Variants in LRRK2 observed in about 807,000 individuals in gnomAD.
LRRK2 encodes leucine rich repeat kinase 2.
A neutral mutation model predicts 302.6 loss-of-function variants in LRRK2; 203 were observed. The ratio of observed to expected loss-of-function variants is 0.67; its 90% CI spans 0.60 to 0.75. The LOEUF is 0.75. Ranked by LOEUF, LRRK2 falls within the 30% of genes least tolerant of loss-of-function variation. The pLI is 0.00. For missense variants in LRRK2, 2,830 were observed against 2,951.0 expected, an observed-to-expected ratio of 0.96 and a Z score of 0.95; for synonymous variants, 1,066 against 1,031.9, an observed-to-expected ratio of 1.03 and a Z score of -0.63.
At chr12:40,245,671 A>G (rs1280421114) in intron 7 of LRRK2, among the ~76,000 whole-genome samples, 2 of 152,128 alleles carry the variant, frequency 1.3e-5, no homozygotes, top group African/African-American at 4.8e-5. Context: ...AATTTCTTCT[A>G]TACATGTCTT....
rs923196070 is a variant in LRRK2, at chr12:40,307,015, A to T, written c.3959+1049A>T. Among the ~76,000 whole-genome samples, 46 of 151,576 alleles carry T rather than the reference A, an allele frequency of 3.0e-4. 1 individual carries two copies. Among genetic ancestry groups the T allele is most frequent in the Non-Finnish European group, 7.4e-5 (5 of 67,852 alleles). On this transcript the variant is annotated intron_variant, in intron 28 of 50. Coordinates refer to ENST00000298910, the MANE Select transcript of LRRK2 (RefSeq NM_198578.4). ...ATTTAGTAGAACTAGCTTTCAGTGT[A>T]TTATACTGTATTATCTAACTAAATA... is the stretch of plus-strand genomic sequence containing the variant.
At chr12:40,253,639 A>G (rs1942377811) in intron 11 of LRRK2, among the ~76,000 whole-genome samples, 3 of 152,216 alleles carry the variant, frequency 2.0e-5, no homozygotes, top group African/African-American at 7.2e-5. Flanking sequence ...TGGCCTCCCA[A>G]GTGCTGGGAT....
At chr12:40,293,348 G>T (rs1158652595) in intron 20 of LRRK2, among the ~76,000 whole-genome samples, 197 bp from the exon 21 acceptor site, 1 of 151,864 alleles carries the variant, frequency 6.6e-6, no homozygotes, top group Non-Finnish European at 1.5e-5. Context: ...GAAGAAAAAT[G>T]TTGTTGAATT....
intron 13 of LRRK2, 137 bp from the exon 14 acceptor site, chr12:40,263,652 T>G: frequency 1.8e-6 from 1 of 555,106 alleles, no homozygotes; most frequent in South Asian, 3.1e-5. Context: ...ATTTATTTGA[T>G]AAGGAAACAT....
chr12:40,287,416 A>G lies in LRRK2; in HGVS notation c.2566A>G (p.Thr856Ala). Residue 856 changes from threonine to alanine, a missense_variant, in exon 20 of 51, where the codon ACA becomes GCA. Physicochemically the swap from Thr to Ala is moderately conservative, Grantham distance 58 (BLOSUM62 0). This residue lies in a region of LRRK2 where 2,121 missense variants were observed against 2,148.0 expected (regional missense o/e 0.99). Transcript: ENST00000298910. ...GATGAAAAGTGCTGTGGAAGAAGGA[A>G]CAGCCTCAGGCAGCGATGGAAATTT... Reference protein sequence around the residue: ...YQMKSAVEEGTASGSDGNFSE... With the variant: ...YQMKSAVEEGAASGSDGNFSE... 6.2e-7 allele frequency: 1 copy of G among 1,612,858 alleles called. No individual in the cohort carries two copies. The highest frequency in any genetic ancestry group is 8.5e-7 in the Non-Finnish European group (1 of 1,179,152).
At chr12:40,341,218 C>T (rs1946032499) in intron 41 of LRRK2, among the ~76,000 whole-genome samples, 2 of 152,074 alleles carry the variant, frequency 1.3e-5, no homozygotes, top group African/African-American at 4.8e-5. Context: ...TTTAGGGAAA[C>T]TTTATATAGT....
chr12:40,363,614 A>G, intron 48 of LRRK2, 60 bp downstream of exon 48: 2 of 1,570,654 alleles, frequency 1.3e-6, no homozygotes, highest in Non-Finnish European at 1.7e-6. Context: ...TTCATGTGTC[A>G]CAGAGGAAGG....
chr12:40,291,431 A>AATATATATATATAT (rs57902292), intron 20 of LRRK2, among the ~76,000 whole-genome samples: 1 of 146,340 alleles, frequency 6.8e-6, no homozygotes, highest in East Asian at 2.0e-4. Context: ...AGTATAATAA[A>AATATATATATATAT]ATATATATAT....
chr12:40,363,292 G>C, intron 47 of LRRK2, 110 bp from the exon 48 acceptor site: 2 of 932,104 alleles, frequency 2.1e-6, no homozygotes, highest in South Asian at 1.5e-5. Flanking sequence ...AGCTTGTTTA[G>C]TTTTCAAAAT....
Position 40,302,779 on chromosome 12 carries a change from T to C in LRRK2, c.3497-10T>C, listed in dbSNP as rs1484563828. 3 of 1,567,742 alleles carry C rather than the reference T, an allele frequency of 1.9e-6. No homozygotes were observed. The African/African-American group carries it at 4.1e-5, about 21-fold the overall frequency. On this transcript the variant is annotated splice_polypyrimidine_tract_variant and intron_variant, in intron 25 of 50. Transcript: ENST00000298910. ...TGATTAAAATGTTTATCTCATTTTT[T>C]TTCTTTTAGCTGCTATGCCTTTCTT...
At chr12:40,330,812 C>T (rs1300922648) in intron 39 of LRRK2, among the ~76,000 whole-genome samples, 2 of 152,078 alleles carry the variant, frequency 1.3e-5, no homozygotes, top group South Asian at 2.1e-4. Flanking sequence ...TTTGAGTTCC[C>T]TCTTCAAGTT....
chr12:40,251,596 A>C, intron 10 of LRRK2, 52 bp downstream of exon 10: 1 of 1,388,420 alleles, frequency 7.2e-7, no homozygotes. Context: ...ATTTTAAATC[A>C]ATACCTATAA....
Position 40,321,064 on chromosome 12 carries a change from T to A in LRRK2, c.5046T>A (p.Leu1682=), listed in dbSNP as rs781636381. ...CTGACCACAGGCCTGTGATAGAGCT[T>A]CCCCATTGTGAGAACTCTGAAATTA... ...SLSDHRPVIE[L]PHCENSEIII... The change falls in exon 35 of 51, where the codon CTT becomes CTA. Residue 1682 remains leucine (L), a synonymous_variant. Transcript: ENST00000298910. 6.2e-7 allele frequency: 1 copy of A among 1,612,864 alleles called. No homozygotes were observed. The highest frequency in any genetic ancestry group is 1.1e-5 in the South Asian group (1 of 91,066).
At chr12:40,363,830 T>C (rs2137046594) in intron 48 of LRRK2, among the ~76,000 whole-genome samples, 1 of 152,172 alleles carries the variant, frequency 6.6e-6, no homozygotes, top group South Asian at 2.1e-4. Flanking sequence ...ATGAGCATAT[T>C]GGAGTCTCTG....
At chr12:40,284,222 T>A in intron 19 of LRRK2, 89 bp downstream of exon 19, 5 of 1,217,888 alleles carry the variant, frequency 4.1e-6, no homozygotes, top group Non-Finnish European at 5.7e-6. Context: ...TTCATGCCAG[T>A]TTGAGGGACC....
chr12:40,304,232 T>C (rs1205712216), intron 27 of LRRK2, 98 bp downstream of exon 27: 1 of 1,170,970 alleles, frequency 8.5e-7, no homozygotes, highest in Non-Finnish European at 1.2e-6. Context: ...ACCAATTTCA[T>C]GAAACTAGAA....
At chr12:40,228,433 C>T (rs1240551181) in intron 2 of LRRK2, among the ~76,000 whole-genome samples, 234 of 19,226 alleles carry the variant, frequency 0.012, no homozygotes, top group Admixed American at 0.021. Context: ...AAAAATAAGA[C>T]TTTTTTTTTT....
At chr12:40,275,418 C>G (rs983556469) in intron 16 of LRRK2, among the ~76,000 whole-genome samples, 1 of 151,938 alleles carries the variant, frequency 6.6e-6, no homozygotes, top group African/African-American at 2.4e-5. Context: ...CATTTTTCAT[C>G]AAGCAAAATT....
chr12:40,326,979 A>C (rs1444216110), intron 38 of LRRK2, among the ~76,000 whole-genome samples: 5 of 152,262 alleles, frequency 3.3e-5, no homozygotes, highest in Non-Finnish European at 4.4e-5. Context: ...AGACATATAA[A>C]AAATAAATAG....
Sources: gnomAD v4.1 joint callset for allele counts (sites outside exome capture counted in the v4.1 genomes callset) on GRCh38, gnomAD v4.1.1 for gene constraint, gnomAD v4.1.1 regional missense constraint, MANE v1.5 for transcripts, NCBI Gene and HGNC (gene_info 2026-07-23, HGNC 2026-07-21) for gene names.